Variants in TMEM268 observed in about 807,000 individuals in gnomAD.
TMEM268 encodes the protein transmembrane protein C9orf91.
A neutral mutation model predicts 39.1 loss-of-function variants in TMEM268; 24 were observed. The observed-to-expected ratio is 0.61, with a 90% CI of 0.44 to 0.86. TMEM268 has a LOEUF of 0.86. Among genes scored for constraint, TMEM268 ranks in the 40% least tolerant of loss-of-function variants. TMEM268 has a pLI of 0.00. For missense variants in TMEM268, 409 were observed against 428.6 expected (o/e 0.95, Z 0.40); for synonymous variants, 176 against 173.5 (o/e 1.01, Z -0.12).
chr9:114,622,685 G>C (rs1016728221), intron 2 of TMEM268, among the ~76,000 whole-genome samples: 1 of 152,168 alleles, frequency 6.6e-6, no homozygotes, highest in Admixed American at 6.5e-5. Flanking sequence ...CGTATTTTAT[G>C]CTTTTGAAAT....
the TMEM268 span, among the ~76,000 whole-genome samples, chr9:114,604,276 A>C: frequency 6.6e-6 from 1 of 152,132 alleles, no homozygotes; most frequent in South Asian, 2.1e-4. Flanking sequence ...ATGTAAACCT[A>C]CAGAGGATGC....
At chr9:114,619,366 A>T (rs1589332587) in intron 2 of TMEM268, among the ~76,000 whole-genome samples, 1 of 152,254 alleles carries the variant, frequency 6.6e-6, no homozygotes, top group African/African-American at 2.4e-5. Flanking sequence ...CCTAGGTGTA[A>T]AAACAAGTAT....
At chr9:114,640,147 G>A (rs1187843039) in intron 8 of TMEM268, among the ~76,000 whole-genome samples, 3 of 150,746 alleles carry the variant, frequency 2.0e-5, no homozygotes, top group Non-Finnish European at 3.0e-5. Context: ...AGATTGATAA[G>A]GTTGTGTACT....
Position 114,643,634 on chromosome 9 carries a change from A to G in TMEM268, c.*321A>G, listed in dbSNP as rs962205414. 7 of 240,876 alleles carry G rather than the reference A, an allele frequency of 2.9e-5. No homozygotes were observed. In the Admixed American group the frequency reaches 3.0e-4, roughly 10 times the overall value. The allele number at this position is 240,876 out of a possible 1,614,324, so 14.9% of individuals were successfully genotyped here. ...TGGACCCCCATTGCTTTCATTGTTC[A>G]GAGAACCCAGGAGACATGAAGATGA... On this transcript the variant is annotated 3_prime_UTR_variant, in exon 9 of 9. Coordinates refer to ENST00000288502, the MANE Select transcript of TMEM268 (RefSeq NM_153045.4).
chr9:114,627,995 A>T, intron 4 of TMEM268, 106 bp from the exon 5 acceptor site: 1 of 1,246,274 alleles, frequency 8.0e-7, no homozygotes, highest in Non-Finnish European at 1.2e-6. Flanking sequence ...GAGCTGTCTG[A>T]ATCCAAGGAG....
chr9:114,612,472 GC>G (rs1437513153), intron 1 of TMEM268, among the ~76,000 whole-genome samples: 16 of 152,192 alleles, frequency 1.1e-4, no homozygotes. Flanking sequence ...TTATCCTCGG[GC>G]TGGTGCAGGG....
chr9:114,621,310 C>T lies in TMEM268; in HGVS notation c.107-3040C>T, dbSNP rs118091357. On this transcript the variant is annotated intron_variant, in intron 2 of 8. Transcript: ENST00000288502. Reference sequence around the variant, plus strand: ...GCAGTGAGCCATGTTAGTGTCACTGCACTCCAGCCTGGGTGACAGAGTGAG... The same window carrying T: ...GCAGTGAGCCATGTTAGTGTCACTGTACTCCAGCCTGGGTGACAGAGTGAG... Among the ~76,000 whole-genome samples, 88 of 148,588 alleles carry T rather than the reference C, an allele frequency of 5.9e-4. No homozygotes were observed. In the East Asian group the frequency reaches 0.016, roughly 27 times the overall value.
the TMEM268 span, among the ~76,000 whole-genome samples, chr9:114,606,058 AATT>A: frequency 2.7e-4 from 41 of 151,994 alleles, no homozygotes; most frequent in African/African-American, 9.6e-4. Context: ...GGTTGTCTAC[AATT>A]ATCTTAGGTG....
chr9:114,617,751 T>C (rs892656868), intron 2 of TMEM268, among the ~76,000 whole-genome samples: 1 of 152,148 alleles, frequency 6.6e-6, no homozygotes, highest in Non-Finnish European at 1.5e-5. Context: ...AAAATGTTTT[T>C]TGTAGAGTTG....
chr9:114,623,091 AAAAAAC>A (rs953207367), intron 2 of TMEM268, among the ~76,000 whole-genome samples: 4 of 149,818 alleles, frequency 2.7e-5, no homozygotes, highest in Admixed American at 6.6e-5. Context: ...CTCTGTCTCC[AAAAAAC>A]AACAACAACA....
chr9:114,641,165 C>T (rs747925792), intron 8 of TMEM268, among the ~76,000 whole-genome samples: 8 of 152,158 alleles, frequency 5.3e-5, no homozygotes, highest in Middle Eastern at 6.8e-3. Context: ...TGTGAGCCAC[C>T]GCGCCCGGCC....
At chr9:114,635,488 T>C (rs7855505) in intron 6 of TMEM268, among the ~76,000 whole-genome samples, 32,004 of 152,088 alleles carry the variant, frequency 0.21, 3,628 homozygotes, top group African/African-American at 0.29. Context: ...ACCAGCAGCC[T>C]GGGCAACATG....
intron 5 of TMEM268, among the ~76,000 whole-genome samples, chr9:114,631,605 G>A (rs73656163): frequency 0.034 from 5,120 of 152,226 alleles, 276 homozygotes; most frequent in African/African-American, 0.12. Context: ...ATTTGCCCAA[G>A]GTTATATGGG....
At chr9:114,640,918 C>G (rs1007026581) in intron 8 of TMEM268, among the ~76,000 whole-genome samples, 2 of 151,878 alleles carry the variant, frequency 1.3e-5, no homozygotes, top group African/African-American at 4.8e-5. Flanking sequence ...CTCTTTTGCC[C>G]AGGCTAGAGT....
intron 8 of TMEM268, 21 bp from the exon 9 acceptor site, chr9:114,643,113 C>A (rs748912359): frequency 8.7e-6 from 14 of 1,613,830 alleles, no homozygotes; most frequent in Non-Finnish European, 1.2e-5. Flanking sequence ...GGTATTCAAT[C>A]TGCTTCCCTG....
intron 1 of TMEM268, among the ~76,000 whole-genome samples, chr9:114,616,659 C>G (rs994568642): frequency 1.3e-5 from 2 of 151,912 alleles, no homozygotes; most frequent in Admixed American, 6.6e-5. Flanking sequence ...AGCCACCGTG[C>G]CTGGCTGATT....
chr9:114,622,124 G>A (rs916296551), intron 2 of TMEM268: 2 of 985,260 alleles, frequency 2.0e-6, no homozygotes, highest in African/African-American at 1.7e-5. Context: ...TGATACATTG[G>A]GGGAGCAGGG....
At chr9:114,609,997 G>A (rs1374039590), upstream of TMEM268, among the ~76,000 whole-genome samples, 8 of 151,814 alleles carry the variant, frequency 5.3e-5, no homozygotes, top group South Asian at 2.1e-4. Context: ...AGAAAACAAA[G>A]ACCCTTTCTA....
At chr9:114,606,362 TC>T (rs1845365501), upstream of TMEM268, among the ~76,000 whole-genome samples, 6 of 152,278 alleles carry the variant, frequency 3.9e-5, no homozygotes, top group South Asian at 1.0e-3. Flanking sequence ...CCAGCACACC[TC>T]CTGCCAAGCA....
Sources: allele counts gnomAD v4.1 joint callset (sites outside exome capture counted in the v4.1 genomes callset), GRCh38; gene constraint gnomAD v4.1.1; transcripts MANE v1.5; gene names NCBI Gene and HGNC (gene_info 2026-07-23, HGNC 2026-07-21).